Variants in PCDHGA7 observed in about 807,000 individuals in gnomAD.
PCDHGA7 encodes the protein protocadherin gamma-A7.
A neutral mutation model predicts 58.3 loss-of-function variants in PCDHGA7; 44 were observed. The ratio of observed to expected loss-of-function variants is 0.75; its 90% CI spans 0.59 to 0.97. The LOEUF is 0.97. Among genes scored for constraint, PCDHGA7 ranks in the 50% least tolerant of loss-of-function variants. The probability of loss-of-function intolerance (pLI) is 0.00; values close to 1 mark genes in which losing one functional copy is unlikely to be tolerated. For missense variants in PCDHGA7, 1,266 were observed against 1,188.7 expected, an observed-to-expected ratio of 1.06 and a Z score of -0.96; for synonymous variants, 516 against 504.2, an observed-to-expected ratio of 1.02 and a Z score of -0.31.
intron 1 of PCDHGA7, chr5:141,393,009 A>T: frequency 6.2e-7 from 1 of 1,613,898 alleles, no homozygotes. Flanking sequence ...CGGAGTCCGT[A>T]TCGTCTCCAG....
chr5:141,420,789 C>G (rs1403213574), intron 1 of PCDHGA7, among the ~76,000 whole-genome samples: 2 of 152,198 alleles, frequency 1.3e-5, no homozygotes, highest in Non-Finnish European at 2.9e-5. Flanking sequence ...ATTTTGAAAA[C>G]TTTTTAAAAA....
chr5:141,423,516 C>T (rs2096749721), intron 1 of PCDHGA7: 1 of 1,613,732 alleles, frequency 6.2e-7, no homozygotes, highest in Non-Finnish European at 8.5e-7. Flanking sequence ...TCATTGCGGA[C>T]TCGCAGAAGA....
intron 1 of PCDHGA7, chr5:141,392,681 G>A (rs892273174): frequency 9.7e-7 from 1 of 1,026,496 alleles, no homozygotes; most frequent in Non-Finnish European, 1.4e-6. Context: ...CTGGACTGCA[G>A]CGAAACCCGA....
chr5:141,410,175 C>T (rs202065305), intron 1 of PCDHGA7: 5 of 1,613,752 alleles, frequency 3.1e-6, no homozygotes, highest in Non-Finnish European at 8.5e-7. Flanking sequence ...TCTGCCACCG[C>T]CACGCTTCAT....
chr5:141,478,221 C>A, intron 1 of PCDHGA7: 1 of 1,614,122 alleles, frequency 6.2e-7, no homozygotes, highest in Non-Finnish European at 8.5e-7. Context: ...ATCCTGGTTT[C>A]TGTGGGGTTT....
In PCDHGA7 at chr5:141,510,989, C is replaced by A. The variant is rs2099883548; in HGVS notation, c.2615C>A (p.Thr872Asn). The A allele has an allele frequency of 1.2e-6, 2 of 1,614,198 alleles. No homozygotes were observed. The highest frequency in any genetic ancestry group is 1.7e-6 in the Non-Finnish European group (2 of 1,180,022). ...TCCACCCTGGGAGGGGGTGCCGGCA[C>A]CATGGGATTGAGCGCCCGCTACGGA... is the stretch of plus-strand genomic sequence containing the variant. ...GSSTLGGGAG[T>N]MGLSARYGPQ... Residue 872 changes from threonine to asparagine, a missense_variant, in exon 4 of 4, where the codon ACC becomes AAC. Thr to Asn is a moderately conservative substitution (Grantham distance 65, BLOSUM62 0). Transcript: ENST00000518325.
chr5:141,474,407 G>A (rs1431210575), intron 1 of PCDHGA7, among the ~76,000 whole-genome samples: 2 of 152,230 alleles, frequency 1.3e-5, no homozygotes, highest in East Asian at 1.9e-4. Flanking sequence ...GCTCCCCGGT[G>A]ATGCCTAGAC....
intron 1 of PCDHGA7, among the ~76,000 whole-genome samples, chr5:141,462,574 C>T (rs1308899602): frequency 2.0e-5 from 3 of 152,036 alleles, no homozygotes; most frequent in Non-Finnish European, 4.4e-5. Context: ...TTGCTAATCC[C>T]ATCCAGTGAA....
intron 1 of PCDHGA7, chr5:141,392,398 C>T (rs926356717): frequency 1.3e-5 from 2 of 155,550 alleles, no homozygotes; most frequent in African/African-American, 4.8e-5. Context: ...CATTTAATAA[C>T]ACTAAATAAA....
At chr5:141,394,855 C>A in intron 1 of PCDHGA7, 1 of 1,613,778 alleles carries the variant, frequency 6.2e-7, no homozygotes, top group Non-Finnish European at 8.5e-7. Flanking sequence ...CTGAAGCCTT[C>A]GGTCGACCCG....
In PCDHGA7 at chr5:141,423,272, T is replaced by C. The variant is rs372798900; in HGVS notation, c.2424+37949T>C. On this transcript the variant is annotated intron_variant, in intron 1 of 3. Coordinates refer to ENST00000518325, the MANE Select transcript of PCDHGA7 (RefSeq NM_018920.4). ...GCGGACCTCGGCAGCCTCGAGTCTC[T>C]GGCTAACTCTGAAACCTCAGACCTC... 36 of 1,613,586 alleles carry C rather than the reference T, an allele frequency of 2.2e-5. No individual in the cohort carries two copies. In the African/African-American group the frequency reaches 4.4e-4, roughly 20 times the overall value.
intron 1 of PCDHGA7, among the ~76,000 whole-genome samples, chr5:141,463,990 G>A (rs2099073582): frequency 6.6e-6 from 1 of 151,990 alleles, no homozygotes; most frequent in Non-Finnish European, 1.5e-5. Flanking sequence ...TAAAAACCAG[G>A]TGCAGTGGCT....
chr5:141,508,826 C>T (rs2099872187), intron 3 of PCDHGA7, among the ~76,000 whole-genome samples: 1 of 152,092 alleles, frequency 6.6e-6, no homozygotes, highest in South Asian at 2.1e-4. Context: ...AGATCTGGGC[C>T]CCCCTCCCCT....
chr5:141,413,748 T>C (rs1264580781), intron 1 of PCDHGA7: 2 of 1,613,288 alleles, frequency 1.2e-6, no homozygotes, highest in Non-Finnish European at 1.7e-6. Context: ...GCCGTGCCAA[T>C]GGCGTCAAGT....
At chr5:141,430,842 G>A (rs935750449) in intron 1 of PCDHGA7, 4 of 1,567,068 alleles carry the variant, frequency 2.6e-6, no homozygotes, top group Non-Finnish European at 3.4e-6. Flanking sequence ...GAGACCGGAT[G>A]CACCCAGATA....
chr5:141,383,951 C>G lies in PCDHGA7; in HGVS notation c.1052C>G (p.Ser351Cys), dbSNP rs1365918560. 5 of 1,613,676 alleles carry G rather than the reference C, an allele frequency of 3.1e-6. No homozygotes were observed. In the African/African-American group the frequency reaches 6.7e-5, roughly 22 times the overall value. Residue 351 changes from serine (S) to cysteine (C), a missense_variant, in exon 1 of 4, where the codon TCT (serine) becomes TGT (cysteine). Ser to Cys is a moderately radical substitution (Grantham distance 112). Transcript: ENST00000518325. ...AATGCTCCAGAAGTGACTATGACGT[C>G]TTTAAGTAGCTCAATCCCTGAAGAC... The part of the protein sequence containing the change: ...NDNAPEVTMT[S>C]LSSSIPEDTP...
intron 2 of PCDHGA7, among the ~76,000 whole-genome samples, chr5:141,499,298 C>A (rs1239333151): frequency 6.6e-6 from 1 of 152,210 alleles, no homozygotes; most frequent in African/African-American, 2.4e-5. Context: ...ACACTACCAT[C>A]CCTCCTCTGA....
chr5:141,422,908 C>G, intron 1 of PCDHGA7: 1 of 1,614,244 alleles, frequency 6.2e-7, no homozygotes, highest in Non-Finnish European at 8.5e-7. Flanking sequence ...CGACAATGCG[C>G]CCGAGATCCT....
At chr5:141,414,132 T>A in intron 1 of PCDHGA7, 1 of 1,594,828 alleles carries the variant, frequency 6.3e-7, no homozygotes, top group South Asian at 1.1e-5. Flanking sequence ...CCGGTTTCTA[T>A]GAAATAGAAA....
Sources: allele counts gnomAD v4.1 joint callset (sites outside exome capture counted in the v4.1 genomes callset), GRCh38; gene constraint gnomAD v4.1.1; transcripts MANE v1.5; gene names NCBI Gene and HGNC (gene_info 2026-07-23, HGNC 2026-07-21).